The following CDH23 variants were observed in gnomAD, a reference collection of about 807,000 sequenced individuals.
CDH23 encodes the protein cadherin-23.
CDH23 carries 189 observed loss-of-function variants against 317.1 expected under a neutral mutation model. The observed-to-expected ratio is 0.60, with a 90% CI of 0.53 to 0.67. The LOEUF (loss-of-function observed/expected upper bound fraction) is 0.67. CDH23 is among the 30% of genes least tolerant of loss of function. The pLI is 0.00. For missense variants in CDH23, 4,401 were observed against 4,592.4 expected, an observed-to-expected ratio of 0.96 and a Z score of 1.20; for synonymous variants, 1,839 against 1,876.8, an observed-to-expected ratio of 0.98 and a Z score of 0.52.
rs772117059 is a variant in CDH23, at chr10:71,785,661, G to A, written c.5743G>A (p.Asp1915Asn). Residue 1915 changes from aspartate to asparagine, a missense_variant, in exon 44 of 70, where the codon GAC becomes AAC. By Grantham distance (23) the Asp-to-Asn change is conservative. This residue lies in a region of CDH23 where 3,068 missense variants were observed against 3,203.3 expected (regional missense o/e 0.96). Coordinates refer to ENST00000224721, the MANE Select transcript of CDH23 (RefSeq NM_022124.6). ...GATCGTCACTGTGAACCGGCCCCTGGACCGCGAGCGGATCCCAGAGTACAA... is the reference window on the plus strand; with the variant it reads ...GATCGTCACTGTGAACCGGCCCCTGAACCGCGAGCGGATCCCAGAGTACAA... The part of the protein sequence containing the change: ...TGIVTVNRPL[D>N]RERIPEYKLT... 7 of 1,606,548 alleles carry A rather than the reference G, an allele frequency of 4.4e-6. No homozygotes were observed. The South Asian group carries it at 7.9e-5, about 18-fold the overall frequency.
rs1409304854 is a variant in CDH23, at chr10:71,779,328, G to A, written c.5249G>A (p.Gly1750Glu). The A allele has an allele frequency of 4.3e-6, 7 of 1,614,046 alleles. No individual in the cohort carries two copies. In the South Asian group the frequency reaches 5.5e-5, roughly 13 times the overall value. ...NVPTFPRDYE[G>E]PFEVTEGQPG... ...CCTACCTTCCCCCGGGACTATGAGGGACCATTTGAAGTCACTGAGGGCCAG... is the reference window on the plus strand; with the variant it reads ...CCTACCTTCCCCCGGGACTATGAGGAACCATTTGAAGTCACTGAGGGCCAG... Residue 1750 changes from glycine to glutamate, a missense_variant, in exon 41 of 70, where the codon GGA becomes GAA. By Grantham distance (98) the Gly-to-Glu change is moderately conservative (BLOSUM62 -2). Around this residue, in one of 3 missense-constraint regions of CDH23, gnomAD observed 3,068 missense variants for 3,203.3 expected, o/e 0.96. Transcript: ENST00000224721.
chr10:71,655,933 C>T (rs756395944), intron 14 of CDH23, among the ~76,000 whole-genome samples: 38 of 152,144 alleles, frequency 2.5e-4, no homozygotes, highest in Non-Finnish European at 4.9e-4. Context: ...AACATCCCCT[C>T]GGGTGACAAG....
chr10:71,475,429 C>T (rs759546929), intron 3 of CDH23, among the ~76,000 whole-genome samples: 43 of 152,106 alleles, frequency 2.8e-4, no homozygotes, highest in Admixed American at 1.0e-3. Context: ...TCTTGGCTCC[C>T]GAGAGGGGAG....
chr10:71,689,034 AGGGGTGGTGG>A (rs1865058456), intron 19 of CDH23, among the ~76,000 whole-genome samples: 1 of 129,006 alleles, frequency 7.8e-6, no homozygotes, highest in African/African-American at 2.9e-5. Context: ...TGGTGGAGTC[AGGGGTGGTGG>A]AGCCAGGGAT....
At chr10:71,652,586 T>C (rs1863228623) in intron 14 of CDH23, among the ~76,000 whole-genome samples, 1 of 152,206 alleles carries the variant, frequency 6.6e-6, no homozygotes. Context: ...ACACCGGGCC[T>C]CAGTTTCCTC....
rs1841179609 is a variant in CDH23, at chr10:71,789,190, G to A, written c.5923+148G>A. ...GGGAAGGATGGGTGCAGCTCCGGGA[G>A]ATGGTGGGCTGGGGCTCCCGGGCCT... On this transcript the variant is annotated intron_variant, in intron 45 of 69. Transcript: ENST00000224721. 11 of 588,302 alleles carry A rather than the reference G, an allele frequency of 1.9e-5. No individual in the cohort carries two copies. The South Asian group carries it at 2.1e-4, about 11-fold the overall frequency. The allele number at this position is 588,302 out of a possible 1,614,324, so 36.4% of individuals were successfully genotyped here.
rs1491490493 is a variant in CDH23 at position 71,515,394 on chromosome 10, T to TCTCTCTCTCTCTCTCACA, written c.429+4183_429+4184insTCTCTCTCTCTCTCACAC. Among the ~76,000 whole-genome samples, 241 of 26,620 alleles carry TCTCTCTCTCTCTCTCACA rather than the reference T, an allele frequency of 9.1e-3. 3 individuals are homozygous for TCTCTCTCTCTCTCTCACA. The highest frequency in any genetic ancestry group is 0.019 in the African/African-American group (226 of 11,736). 17.5% of individuals were successfully genotyped at this position (26,620 alleles called of 152,430 possible). A position where few individuals can be genotyped will look rare whatever the true frequency, so the allele number is the denominator to read the frequency against. ...CTCTCTCTCTCTCTCTCTCTCTCTCTCACACACACACACACACACACACAC... is the reference window on the plus strand; with the variant it reads ...CTCTCTCTCTCTCTCTCTCTCTCTCTCTCTCTCTCTCTCTCACACACACACACACACACACACACACAC... On this transcript the variant is annotated intron_variant, in intron 6 of 69. Transcript: ENST00000224721.
At chr10:71,511,090 G>A (rs745960411) in intron 5 of CDH23, 30 bp from the exon 6 acceptor site, 58 of 1,611,832 alleles carry the variant, frequency 3.6e-5, no homozygotes, top group African/African-American at 9.3e-5. Context: ...GTCAGGTGGC[G>A]GCGCTAATTG....
chr10:71,555,750 G>A lies in CDH23; in HGVS notation c.430-10992G>A, dbSNP rs545136005. Among the ~76,000 whole-genome samples the A allele has an allele frequency of 1.8e-4, 27 of 152,330 alleles. No individual in the cohort carries two copies. In the South Asian group the frequency reaches 5.6e-3, roughly 32 times the overall value. Reference sequence around the variant, plus strand: ...CTCCTTAGTCTCTGAATAGGAAGGAGCTGGGGCTGTTTCATGCTTGGGTAT... The same window carrying A: ...CTCCTTAGTCTCTGAATAGGAAGGAACTGGGGCTGTTTCATGCTTGGGTAT... On this transcript the variant is annotated intron_variant, in intron 6 of 69. Coordinates refer to ENST00000224721, the MANE Select transcript of CDH23 (RefSeq NM_022124.6).
In CDH23 at chr10:71,815,787, C is replaced by T. The variant is rs763532469; in HGVS notation, c.*509C>T. 1.3e-5 allele frequency: 2 copies of T among 157,010 alleles called. No homozygotes were observed. Among genetic ancestry groups the T allele is most frequent in the Non-Finnish European group, 2.8e-5 (2 of 70,960 alleles). 9.7% of individuals were successfully genotyped at this position (157,010 alleles called of 1,614,324 possible). A position where few individuals can be genotyped will look rare whatever the true frequency, so the allele number is the denominator to read the frequency against. On this transcript the variant is annotated 3_prime_UTR_variant, in exon 70 of 70. Transcript: ENST00000224721. ...CGTCCAGGTGGAGGTGGCATCCCCA[C>T]GTGGACAAGAAAGTCAATGTCAATG...
At chr10:71,784,772 C>A (rs1841051267) in intron 42 of CDH23, 119 bp from the exon 43 acceptor site, 2 of 750,998 alleles carry the variant, frequency 2.7e-6, no homozygotes, top group Admixed American at 4.1e-5. Flanking sequence ...TCTTTCTTCT[C>A]CATGACCAAC....
At chr10:71,726,168 G>A (rs969339943) in intron 30 of CDH23, among the ~76,000 whole-genome samples, 3 of 152,140 alleles carry the variant, frequency 2.0e-5, no homozygotes, top group African/African-American at 7.2e-5. Context: ...AGATGAATGA[G>A]ATGACCTCTC....
chr10:71,777,912 G>T lies in CDH23; in HGVS notation c.5067+11G>T. 6.2e-7 allele frequency: 1 copy of T among 1,613,708 alleles called. No individual in the cohort carries two copies. Among genetic ancestry groups the T allele is most frequent in the Non-Finnish European group, 8.5e-7 (1 of 1,179,744 alleles). On this transcript the variant is annotated intron_variant, in intron 39 of 69. Coordinates refer to ENST00000224721, the MANE Select transcript of CDH23 (RefSeq NM_022124.6). ...ATCGACAGACACATGGTCAGCAGCT[G>T]ATGGCAGGATCAAGACAAGGGGCGA...
intron 6 of CDH23, among the ~76,000 whole-genome samples, chr10:71,559,374 AAACATT>A (rs1303787891): frequency 6.6e-6 from 1 of 152,206 alleles, no homozygotes; most frequent in Non-Finnish European, 1.5e-5. Context: ...GATTCTTTTA[AAACATT>A]TATTGAATGC....
rs1564803563 is a variant in CDH23, at chr10:71,805,788, T to TCCCC, written c.7873-17_7873-14dup. ...TCTTTCAGGGGTCCAGGAGCCTTCC[T>TCCCC]CCCCATGCTCCCCACAGGAGATCCC... is the stretch of plus-strand genomic sequence containing the variant. On this transcript the variant is annotated splice_polypyrimidine_tract_variant and intron_variant, in intron 55 of 69. Transcript: ENST00000224721. The TCCCC allele has an allele frequency of 6.2e-7, 1 of 1,602,832 alleles. No individual in the cohort carries two copies. Among genetic ancestry groups the TCCCC allele is most frequent in the Admixed American group, 1.7e-5 (1 of 59,306 alleles).
intron 11 of CDH23, among the ~76,000 whole-genome samples, chr10:71,618,929 T>A (rs1448170894): frequency 6.6e-6 from 1 of 152,194 alleles, no homozygotes; most frequent in African/African-American, 2.4e-5. Context: ...AAGTAAGTAT[T>A]GATCACCTGC....
intron 38 of CDH23, chr10:71,761,911 C>T: frequency 6.2e-7 from 1 of 1,614,078 alleles, no homozygotes; most frequent in Non-Finnish European, 8.5e-7. Flanking sequence ...TGTAGAAGGT[C>T]ACATCGTGCC....
At chr10:71,682,381 C>T (rs1340049497) in intron 17 of CDH23, 64 bp from the exon 18 acceptor site, 9 of 1,583,608 alleles carry the variant, frequency 5.7e-6, no homozygotes, top group African/African-American at 1.3e-5. Context: ...CAAAGGGGAC[C>T]CCTGTCTGGA....
chr10:71,599,112 A>G (rs1860049609), intron 9 of CDH23, among the ~76,000 whole-genome samples: 1 of 152,188 alleles, frequency 6.6e-6, no homozygotes, highest in Admixed American at 6.5e-5. Flanking sequence ...AAATATTTAG[A>G]AAAGTACAGA....
Sources: allele counts gnomAD v4.1 joint callset (sites outside exome capture counted in the v4.1 genomes callset), GRCh38; gene constraint gnomAD v4.1.1; regional missense constraint gnomAD v4.1.1; transcripts MANE v1.5; gene names NCBI Gene and HGNC (gene_info 2026-07-23, HGNC 2026-07-21).